The following WASF2 variants were observed in gnomAD, a reference collection of about 807,000 sequenced individuals.
WASF2 encodes actin-binding protein WASF2.
WASF2 carries 14 observed loss-of-function variants against 45.0 expected under a neutral mutation model. The ratio of observed to expected loss-of-function variants is 0.31; its 90% CI spans 0.21 to 0.49. WASF2 has a LOEUF of 0.49. WASF2 is among the 20% of genes least tolerant of loss of function. The pLI, the probability that WASF2 is intolerant of heterozygous loss-of-function variation, is 0.99. For synonymous variants in WASF2, 200 were observed against 236.3 expected, an observed-to-expected ratio of 0.85 and a Z score of 1.41; for missense variants, 439 against 636.1, an observed-to-expected ratio of 0.69 and a Z score of 3.33.
Position 27,428,927 on chromosome 1 carries a change from A to T in WASF2, c.-37T>A. The T allele has an allele frequency of 6.2e-7, 1 of 1,611,738 alleles. No homozygotes were observed. The highest frequency in any genetic ancestry group is 2.2e-5 in the East Asian group (1 of 44,816). On this transcript the variant is annotated 5_prime_UTR_variant, in exon 2 of 9. Coordinates refer to ENST00000618852, the MANE Select transcript of WASF2 (RefSeq NM_006990.5). ...TTCAGGCAATGTTCTGAATGGTGAAAAACAACCTAAAAAAGAAATAACAGG... is the reference window on the plus strand; with the variant it reads ...TTCAGGCAATGTTCTGAATGGTGAATAACAACCTAAAAAAGAAATAACAGG...
intron 1 of WASF2, among the ~76,000 whole-genome samples, chr1:27,441,702 C>T (rs1260455929): frequency 1.5e-5 from 2 of 131,042 alleles, no homozygotes; most frequent in African/African-American, 5.8e-5. Context: ...TGCAGTGAGC[C>T]GAGATTGCGC....
chr1:27,408,000 T>C lies in WASF2; in HGVS notation c.*189A>G. 1.7e-6 allele frequency: 1 copy of C among 595,128 alleles called. No individual in the cohort carries two copies. The highest frequency in any genetic ancestry group is 2.9e-5 in the South Asian group (1 of 34,778). The allele number at this position is 595,128 out of a possible 1,614,324, so 36.9% of individuals were successfully genotyped here. A position where few individuals can be genotyped will look rare whatever the true frequency, so the allele number is the denominator to read the frequency against. On this transcript the variant is annotated 3_prime_UTR_variant, in exon 9 of 9. Coordinates refer to ENST00000618852, the MANE Select transcript of WASF2 (RefSeq NM_006990.5). ...TCAGGAGCCCCACAGGGCCTGAAAA[T>C]GGGGAGAGGAAATACATGTTGACTT...
chr1:27,408,746 A>G (rs2148095871), intron 8 of WASF2, among the ~76,000 whole-genome samples: 1 of 152,108 alleles, frequency 6.6e-6, no homozygotes, highest in African/African-American at 2.4e-5. Context: ...ACAAACCACG[A>G]TAACACCTTG....
At chr1:27,417,828 T>TG (rs1047067846) in intron 4 of WASF2, among the ~76,000 whole-genome samples, 11 of 152,340 alleles carry the variant, frequency 7.2e-5, no homozygotes, top group Admixed American at 6.5e-4. Flanking sequence ...GCCAAGAGGC[T>TG]GGCCCCACTA....
At chr1:27,466,634 G>C (rs914996468) in intron 1 of WASF2, among the ~76,000 whole-genome samples, 1 of 152,234 alleles carries the variant, frequency 6.6e-6, no homozygotes, top group African/African-American at 2.4e-5. Context: ...TTGGGAAGCT[G>C]AGGTGAGAGG....
chr1:27,453,456 G>C (rs1037721239), intron 1 of WASF2, among the ~76,000 whole-genome samples: 4 of 151,872 alleles, frequency 2.6e-5, no homozygotes, highest in Non-Finnish European at 5.9e-5. Flanking sequence ...GCCAGGTGTG[G>C]TGGTGGACGC....
intron 1 of WASF2, among the ~76,000 whole-genome samples, chr1:27,439,789 A>G (rs2017183319): frequency 6.6e-6 from 1 of 151,600 alleles, no homozygotes; most frequent in Non-Finnish European, 1.5e-5. Context: ...ACTTCAGCCT[A>G]GGAGGTCAAG....
Position 27,447,332 on chromosome 1 carries a change from AAGAC to A in WASF2, c.-43-18403_-43-18400del. ...TTAGAACAGTTCTATTTAAAGTACTAAGACATATCATGTGTTTTCAGCAACTCTC... is the reference window on the plus strand; with the variant it reads ...TTAGAACAGTTCTATTTAAAGTACTAATATCATGTGTTTTCAGCAACTCTC... On this transcript the variant is annotated intron_variant, in intron 1 of 8. Coordinates refer to ENST00000618852, the MANE Select transcript of WASF2 (RefSeq NM_006990.5). Among the ~76,000 whole-genome samples the A allele has an allele frequency of 1.3e-5, 2 of 152,234 alleles. 1 individual carries two copies. The highest frequency in any genetic ancestry group is 4.1e-4 in the South Asian group (2 of 4,832).
intron 1 of WASF2, among the ~76,000 whole-genome samples, chr1:27,431,473 AT>A (rs2017062326): frequency 6.6e-6 from 1 of 152,154 alleles, no homozygotes; most frequent in Admixed American, 6.5e-5. Context: ...AGATTCCCAA[AT>A]TTCAAACTTT....
At chr1:27,408,992 G>A (rs2016717200) in intron 8 of WASF2, among the ~76,000 whole-genome samples, 1 of 152,060 alleles carries the variant, frequency 6.6e-6, no homozygotes, top group African/African-American at 2.4e-5. Flanking sequence ...CTAGGACAGT[G>A]ATTCTTGTTT....
chr1:27,475,197 G>T (rs776557242), intron 1 of WASF2, among the ~76,000 whole-genome samples: 19 of 152,124 alleles, frequency 1.2e-4, no homozygotes, highest in Non-Finnish European at 2.4e-4. Context: ...GTTCAAAGCT[G>T]CAGCGAGCCA....
At chr1:27,454,187 AT>A (rs869057863) in intron 1 of WASF2, among the ~76,000 whole-genome samples, 9 of 12,776 alleles carry the variant, frequency 7.0e-4, no homozygotes, top group Admixed American at 9.3e-4. Flanking sequence ...ATATATATAT[AT>A]TTTTTTTTTT....
intron 2 of WASF2, among the ~76,000 whole-genome samples, chr1:27,422,147 C>T (rs1467127111): frequency 2.0e-5 from 3 of 151,770 alleles, no homozygotes; most frequent in Non-Finnish European, 4.4e-5. Context: ...CTCAGTGTGG[C>T]ACAGTGGTTT....
intron 1 of WASF2, among the ~76,000 whole-genome samples, chr1:27,448,989 C>T (rs1439692004): frequency 6.6e-6 from 1 of 152,070 alleles, no homozygotes; most frequent in East Asian, 1.9e-4. Flanking sequence ...TTCTCTCTTA[C>T]CTCCATACTT....
chr1:27,422,462 AC>A (rs1324752843), intron 2 of WASF2, among the ~76,000 whole-genome samples: 1 of 151,842 alleles, frequency 6.6e-6, no homozygotes, highest in Admixed American at 6.6e-5. Context: ...TACTAAAAAT[AC>A]AAAAAATTAG....
At position 27,405,452 on chromosome 1, in the gene WASF2, C is replaced by T. The variant is rs1340776003; in HGVS notation, c.*2737G>A. The T allele has an allele frequency of 6.6e-6, 1 of 152,206 alleles. No homozygotes were observed. Among genetic ancestry groups the T allele is most frequent in the African/African-American group, 2.4e-5 (1 of 41,450 alleles). The allele number at this position is 152,206 out of a possible 1,614,324, so 9.4% of individuals were successfully genotyped here. A position where few individuals can be genotyped will look rare whatever the true frequency, so the allele number is the denominator to read the frequency against. On this transcript the variant is annotated 3_prime_UTR_variant, in exon 9 of 9. Transcript: ENST00000618852. ...TCCTTGGCTTCGGCGCTTAGGAGTC[C>T]TTATGGGCCATTGTTCCATACTCTC...
intron 1 of WASF2, among the ~76,000 whole-genome samples, chr1:27,445,195 T>C (rs184633340): frequency 1.3e-5 from 2 of 152,354 alleles, no homozygotes; most frequent in Non-Finnish European, 2.9e-5. Context: ...TCCTAAAATG[T>C]ACCAGATATT....
intron 1 of WASF2, among the ~76,000 whole-genome samples, chr1:27,456,568 A>G (rs1203982430): frequency 6.6e-6 from 1 of 152,292 alleles, no homozygotes; most frequent in East Asian, 1.9e-4. Context: ...AACTGATTTT[A>G]AAACTATAGG....
intron 1 of WASF2, among the ~76,000 whole-genome samples, chr1:27,467,653 G>A (rs985065338): frequency 2.7e-5 from 4 of 150,586 alleles, no homozygotes; most frequent in Admixed American, 1.3e-4. Context: ...TGGCTCACAC[G>A]TGTAATCCCA....
Sources: gnomAD v4.1 joint callset for allele counts (sites outside exome capture counted in the v4.1 genomes callset) on GRCh38, gnomAD v4.1.1 for gene constraint, MANE v1.5 for transcripts, NCBI Gene and HGNC (gene_info 2026-07-23, HGNC 2026-07-21) for gene names.